The following SMARCA1 variants were observed in gnomAD, a reference collection of about 807,000 sequenced individuals.
SMARCA1 encodes the protein SNF2 related chromatin remodeling ATPase 1.
Under a neutral mutation model 93.6 loss-of-function variants are expected in SMARCA1, and 17 were observed. That is an observed-to-expected ratio of 0.18 (90% CI 0.12 to 0.27). The LOEUF is 0.27. SMARCA1 is among the 10% of genes least tolerant of loss of function. The pLI, the probability that SMARCA1 is intolerant of heterozygous loss-of-function variation, is 1.00. For missense variants in SMARCA1, 630 were observed against 819.0 expected, an observed-to-expected ratio of 0.77 and a Z score of 2.82; for synonymous variants, 271 against 271.4, an observed-to-expected ratio of 1.00 and a Z score of 0.01.
At chrX:129,448,535 T>G in intron 23 of SMARCA1, 92 bp from the exon 24 acceptor site, 2 of 839,538 alleles carry the variant, frequency 2.4e-6, no homozygotes, top group Non-Finnish European at 3.4e-6. Context: ...TTCTGTGGTA[T>G]AGAATTTCCA....
chrX:129,490,523 T>C (rs992057478), intron 14 of SMARCA1, among the ~76,000 whole-genome samples: 32 of 112,196 alleles, frequency 2.9e-4, no homozygotes, highest in African/African-American at 8.7e-4. Context: ...CAAGGAATTT[T>C]ATTAAGTAGT....
At chrX:129,511,579 T>C (rs1935020842) in intron 6 of SMARCA1, among the ~76,000 whole-genome samples, 1 of 111,681 alleles carries the variant, frequency 9.0e-6, no homozygotes. Flanking sequence ...AGCATAATAA[T>C]GGATTGTCTA....
At chrX:129,493,820 G>A (rs143053982) in intron 12 of SMARCA1, among the ~76,000 whole-genome samples, 2 of 112,162 alleles carry the variant, frequency 1.8e-5, no homozygotes, top group African/African-American at 6.5e-5. Context: ...CAATTAAGCA[G>A]AGGTTACAGG....
intron 9 of SMARCA1, 151 bp downstream of exon 9, chrX:129,504,582 CA>C: frequency 1.1e-5 from 1 of 89,833 alleles, no homozygotes; most frequent in Non-Finnish European, 2.1e-5. Context: ...AAAAAAAAAA[CA>C]AAGAGGCTGT....
intron 24 of SMARCA1, among the ~76,000 whole-genome samples, chrX:129,447,638 T>G (rs1932072504): frequency 8.9e-6 from 1 of 111,740 alleles, no homozygotes; most frequent in Non-Finnish European, 1.9e-5. Flanking sequence ...TCTTTCACAT[T>G]TTAGCATCTC....
At chrX:129,470,147 GCA>G (rs2124208129) in intron 20 of SMARCA1, among the ~76,000 whole-genome samples, 1 of 111,161 alleles carries the variant, frequency 9.0e-6, no homozygotes, top group Non-Finnish European at 1.9e-5. Flanking sequence ...ACTATGCATC[GCA>G]CATTGTTCAA....
chrX:129,494,061 T>C (rs770703561), intron 12 of SMARCA1, among the ~76,000 whole-genome samples: 7 of 112,207 alleles, frequency 6.2e-5, no homozygotes, highest in Non-Finnish European at 1.3e-4. Flanking sequence ...CAGCTCTGAC[T>C]TTGCTATATT....
chrX:129,457,254 C>A, intron 23 of SMARCA1, among the ~76,000 whole-genome samples: 2 of 112,271 alleles, frequency 1.8e-5, no homozygotes, highest in Admixed American at 9.5e-5. Context: ...AGACATAATG[C>A]TATTGCTCGC....
At chrX:129,454,982 T>G (rs1436891969) in intron 23 of SMARCA1, among the ~76,000 whole-genome samples, 2 of 111,522 alleles carry the variant, frequency 1.8e-5, no homozygotes, top group Admixed American at 9.5e-5. Context: ...TGTGGAGAAA[T>G]AGGAACGCTT....
At chrX:129,483,583 T>C (rs866488546) in intron 17 of SMARCA1, among the ~76,000 whole-genome samples, 1 of 112,219 alleles carries the variant, frequency 8.9e-6, no homozygotes, top group South Asian at 3.6e-4. Context: ...TTAATAATAA[T>C]TTAAACCAAC....
chrX:129,487,156 A>G lies in SMARCA1; in HGVS notation c.2098-19T>C, dbSNP rs755597790. 43 of 1,098,461 alleles carry G rather than the reference A, an allele frequency of 3.9e-5. 1 individual carries two copies. The East Asian group carries it at 1.3e-3, about 33-fold the overall frequency. 90.5% of individuals were successfully genotyped at this position (1,098,461 alleles called of 1,213,427 possible). A position where few individuals can be genotyped will look rare whatever the true frequency, so the allele number is the denominator to read the frequency against. ...CTGCAGTCTAAAGGTGAAAACATTG[A>G]AATGAGAAAATTATCACTGAATTAC... On this transcript the variant is annotated intron_variant, in intron 16 of 24. Transcript: ENST00000371121.
intron 10 of SMARCA1, among the ~76,000 whole-genome samples, chrX:129,498,585 G>A (rs768625617): frequency 9.1e-6 from 1 of 110,369 alleles, no homozygotes; most frequent in Admixed American, 9.7e-5. Flanking sequence ...TCATGTCAAG[G>A]GCTTTATACG....
intron 21 of SMARCA1, among the ~76,000 whole-genome samples, chrX:129,468,351 G>A (rs763305859): frequency 1.8e-5 from 2 of 111,951 alleles, no homozygotes; most frequent in Non-Finnish European, 3.8e-5. Flanking sequence ...GGAACTCTGA[G>A]GGTGTTTGAG....
At chrX:129,495,274 G>A (rs1934277142) in intron 12 of SMARCA1, among the ~76,000 whole-genome samples, 2 of 112,641 alleles carry the variant, frequency 1.8e-5, no homozygotes, top group African/African-American at 3.2e-5. Context: ...TTTCTTAAAC[G>A]TATGTATGGC....
Position 129,523,389 on chromosome X carries a change from A to G in SMARCA1, c.-19T>C. ...GCTCCATGCCGTGGGAGCGGGAACGAGTAGGGGGACAAGGCAGGGGACGAG... is the reference window on the plus strand; with the variant it reads ...GCTCCATGCCGTGGGAGCGGGAACGGGTAGGGGGACAAGGCAGGGGACGAG... On this transcript the variant is annotated 5_prime_UTR_variant, in exon 1 of 25. Coordinates refer to ENST00000371121, the MANE Select transcript of SMARCA1 (RefSeq NM_001282874.2). 1 of 1,150,379 alleles carries G rather than the reference A, an allele frequency of 8.7e-7. No homozygotes were observed. The allele number at this position is 1,150,379 out of a possible 1,213,427, so 94.8% of individuals were successfully genotyped here. A position where few individuals can be genotyped will look rare whatever the true frequency, so the allele number is the denominator to read the frequency against.
At chrX:129,502,161 C>T (rs887648009) in intron 9 of SMARCA1, among the ~76,000 whole-genome samples, 24 of 110,929 alleles carry the variant, frequency 2.2e-4, no homozygotes, top group African/African-American at 6.6e-4. Context: ...AAAAAGACTC[C>T]GAAGGCAATG....
intron 9 of SMARCA1, among the ~76,000 whole-genome samples, chrX:129,501,623 G>A (rs1469602263): frequency 3.0e-5 from 3 of 100,993 alleles, no homozygotes; most frequent in Non-Finnish European, 6.0e-5. Context: ...GGGGGGAGGT[G>A]GGGTGGAAGG....
At chrX:129,514,056 A>G (rs759236990) in intron 5 of SMARCA1, among the ~76,000 whole-genome samples, 11 of 113,130 alleles carry the variant, frequency 9.7e-5, no homozygotes, top group Admixed American at 7.4e-4. Context: ...GGCCAGGCAC[A>G]GTGGCTCACG....
intron 21 of SMARCA1, 60 bp downstream of exon 21, chrX:129,468,713 T>C (rs1023743774): frequency 1.2e-6 from 1 of 843,500 alleles, no homozygotes; most frequent in Admixed American, 3.0e-5. Flanking sequence ...ACAATTAAAT[T>C]GATGCTAAAT....
Sources: gnomAD v4.1 joint callset for allele counts (sites outside exome capture counted in the v4.1 genomes callset) on GRCh38, gnomAD v4.1.1 for gene constraint, MANE v1.5 for transcripts, NCBI Gene and HGNC (gene_info 2026-07-23, HGNC 2026-07-21) for gene names.